C19orf38: variants seen among roughly 807,000 people sequenced by gnomAD.
The protein encoded by C19orf38 is protein HIDE1.
A neutral mutation model predicts 26.6 loss-of-function variants in C19orf38; 14 were observed. That is an observed-to-expected ratio of 0.53 (90% CI 0.35 to 0.82). The LOEUF is 0.82. Among genes scored for constraint, C19orf38 ranks in the 40% least tolerant of loss-of-function variants. The pLI, the probability that C19orf38 is intolerant of heterozygous loss-of-function variation, is 0.01. For missense variants in C19orf38, 261 were observed against 299.5 expected, an observed-to-expected ratio of 0.87 and a Z score of 0.95; for synonymous variants, 132 against 128.5, an observed-to-expected ratio of 1.03 and a Z score of -0.18.
chr19:10,853,063 T>G (rs556740375), intron 2 of C19orf38, among the ~76,000 whole-genome samples: 1 of 149,882 alleles, frequency 6.7e-6, no homozygotes, highest in Non-Finnish European at 1.5e-5. Flanking sequence ...AAAAAAAAAA[T>G]TATTTTATTT....
chr19:10,847,875 T>A (rs547488354), upstream of C19orf38, among the ~76,000 whole-genome samples: 1 of 152,226 alleles, frequency 6.6e-6, no homozygotes, highest in South Asian at 2.1e-4. Context: ...TCACCCTGTC[T>A]CATTCCCAGG....
At chr19:10,860,330 G>A (rs915676208) in intron 5 of C19orf38, among the ~76,000 whole-genome samples, 3 of 151,724 alleles carry the variant, frequency 2.0e-5, no homozygotes, top group African/African-American at 7.3e-5. Flanking sequence ...TCAGGAATTC[G>A]AGATCAGCCT....
intron 4 of C19orf38, among the ~76,000 whole-genome samples, chr19:10,859,384 A>ATATT (rs1568337718): frequency 4.8e-4 from 10 of 21,050 alleles, no homozygotes; most frequent in Admixed American, 7.7e-4. Context: ...ATATATATAT[A>ATATT]TTTTTTTTTT....
Position 10,848,422 on chromosome 19 carries a change from C to G in C19orf38, c.-87C>G. The G allele has an allele frequency of 2.8e-6, 4 of 1,417,206 alleles. No homozygotes were observed. Among genetic ancestry groups the G allele is most frequent in the Non-Finnish European group, 3.9e-6 (4 of 1,026,680 alleles). 87.8% of individuals were successfully genotyped at this position (1,417,206 alleles called of 1,614,324 possible). On this transcript the variant is annotated 5_prime_UTR_variant, in exon 1 of 7. Transcript: ENST00000397820. The stretch of plus-strand genomic sequence containing the variant: ...CGAGAATCAGCCCTGGTTCTCCTTT[C>G]CCCGATCTGGCCTCACAGGAGGAGT...
At chr19:10,860,213 G>A (rs530568347) in intron 5 of C19orf38, 46 of 448,036 alleles carry the variant, frequency 1.0e-4, no homozygotes, top group Non-Finnish European at 1.6e-4. Context: ...CCCCAGGTCC[G>A]ACCATTCTTC....
At position 10,858,329 on chromosome 19, in the gene C19orf38, T is replaced by C; in HGVS notation, c.447T>C (p.Asn149=). The change falls in exon 4 of 7, where the codon AAT becomes AAC. Residue 149 remains asparagine, a synonymous_variant. Coordinates refer to ENST00000397820, the MANE Select transcript of C19orf38 (RefSeq NM_001136482.3). The part of the protein sequence containing the change: ...ALVVRKVKLR[N]LQKKRDRESC... Reference sequence around the variant, plus strand: ...TTTTTGTTCCAGTTAAACTCAGAAATTTACAGAAGAAAAGGTGAGATCATC... The same window carrying C: ...TTTTTGTTCCAGTTAAACTCAGAAACTTACAGAAGAAAAGGTGAGATCATC... The C allele has an allele frequency of 6.5e-7, 1 of 1,544,614 alleles. No individual in the cohort carries two copies. The highest frequency in any genetic ancestry group is 8.7e-7 in the Non-Finnish European group (1 of 1,143,210).
intron 5 of C19orf38, among the ~76,000 whole-genome samples, chr19:10,860,733 C>A (rs554911060): frequency 6.9e-6 from 1 of 144,602 alleles, no homozygotes; most frequent in Admixed American, 7.1e-5. Context: ...CCCAGCTGCT[C>A]AGGAGGCTGA....
chr19:10,851,020 G>A (rs763608813), intron 2 of C19orf38, among the ~76,000 whole-genome samples: 1 of 152,100 alleles, frequency 6.6e-6, no homozygotes, highest in Non-Finnish European at 1.5e-5. Flanking sequence ...TTACACCTCC[G>A]TGACATACAT....
chr19:10,856,559 A>G (rs2146261564), intron 3 of C19orf38, among the ~76,000 whole-genome samples: 1 of 152,236 alleles, frequency 6.6e-6, no homozygotes, highest in African/African-American at 2.4e-5. Context: ...GCTGGAGTGC[A>G]GTGGCACGAT....
chr19:10,840,744 C>G (rs1487267214), intron 1 of C19orf38, among the ~76,000 whole-genome samples: 1 of 152,200 alleles, frequency 6.6e-6, no homozygotes, highest in Non-Finnish European at 1.5e-5. Context: ...GTCTCAATCT[C>G]TTGACCTCGT....
intron 1 of C19orf38, among the ~76,000 whole-genome samples, chr19:10,839,853 T>C (rs2073466519): frequency 6.6e-6 from 1 of 151,820 alleles, no homozygotes; most frequent in Admixed American, 6.6e-5. Context: ...GCCTCCCAAG[T>C]AGCTGGGACT....
intron 5 of C19orf38, among the ~76,000 whole-genome samples, chr19:10,860,495 A>G (rs1376007375): frequency 1.5e-5 from 2 of 133,014 alleles, no homozygotes; most frequent in African/African-American, 5.7e-5. Flanking sequence ...AGATTGCGCC[A>G]CTGCACTCTA....
intron 2 of C19orf38, among the ~76,000 whole-genome samples, chr19:10,855,030 C>CTT (rs33999724): frequency 0.019 from 1,471 of 77,740 alleles, no homozygotes; most frequent in Non-Finnish European, 0.021. Flanking sequence ...GATATATATT[C>CTT]TTTTTTTTTT....
intron 6 of C19orf38, among the ~76,000 whole-genome samples, chr19:10,868,113 T>A (rs1224932340): frequency 6.6e-6 from 1 of 152,210 alleles, no homozygotes; most frequent in African/African-American, 2.4e-5. Flanking sequence ...TTGGAGTCTC[T>A]GCTTTCACTT....
At chr19:10,856,943 C>G (rs570977180) in intron 3 of C19orf38, among the ~76,000 whole-genome samples, 3 of 151,590 alleles carry the variant, frequency 2.0e-5, no homozygotes, top group African/African-American at 7.3e-5. Context: ...ACCACAGGTG[C>G]GTGCCACCAC....
chr19:10,850,787 T>G (rs1434656274), intron 2 of C19orf38, among the ~76,000 whole-genome samples: 1 of 152,204 alleles, frequency 6.6e-6, no homozygotes, highest in Non-Finnish European at 1.5e-5. Flanking sequence ...CAGGTATGGC[T>G]AGATCCAGGT....
chr19:10,838,133 G>A (rs992827546), intron 1 of C19orf38, among the ~76,000 whole-genome samples: 1 of 152,232 alleles, frequency 6.6e-6, no homozygotes, highest in Non-Finnish European at 1.5e-5. Flanking sequence ...TTTTAAGGCC[G>A]GGTGTGGTGG....
At chr19:10,848,936 A>G (rs1311604479) in intron 1 of C19orf38, among the ~76,000 whole-genome samples, 4 of 151,858 alleles carry the variant, frequency 2.6e-5, no homozygotes, top group African/African-American at 7.3e-5. Flanking sequence ...TATAGACCTC[A>G]CCTGGCCAGA....
At chr19:10,857,894 A>AAAAGAAAGAAAGAAAGAAAGAAAG (rs111685154) in intron 3 of C19orf38, among the ~76,000 whole-genome samples, 16 of 142,526 alleles carry the variant, frequency 1.1e-4, no homozygotes, top group Middle Eastern at 3.6e-3. Flanking sequence ...AAACAACAAA[A>AAAAGAAAGAAAGAAAGAAAGAAAG]AAAGAAAGAA....
Sources: gnomAD v4.1 joint callset for allele counts (sites outside exome capture counted in the v4.1 genomes callset) on GRCh38, gnomAD v4.1.1 for gene constraint, MANE v1.5 for transcripts, NCBI Gene and HGNC (gene_info 2026-07-23, HGNC 2026-07-21) for gene names.